HCN1: variants seen among roughly 807,000 people sequenced by gnomAD.
The protein encoded by HCN1 is potassium/sodium hyperpolarization-activated cyclic nucleotide-gated channel 1.
HCN1 carries 13 observed loss-of-function variants against 78.9 expected under a neutral mutation model. The ratio of observed to expected loss-of-function variants is 0.16; its 90% CI spans 0.11 to 0.26. HCN1 has a LOEUF of 0.26. Ranked by LOEUF, HCN1 falls within the 10% of genes least tolerant of loss-of-function variation. The pLI is 1.00. For synonymous variants in HCN1, 552 were observed against 455.5 expected (o/e 1.21, Z -2.70); for missense variants, 810 against 1,154.3 (o/e 0.70, Z 4.32).
intron 7 of HCN1, among the ~76,000 whole-genome samples, chr5:45,265,359 ACT>A (rs750587955): frequency 2.0e-5 from 3 of 152,180 alleles, no homozygotes; most frequent in Admixed American, 6.5e-5. Context: ...TAACATAAAC[ACT>A]CACACACTAC....
At chr5:45,657,176 T>C (rs1745782423) in intron 1 of HCN1, among the ~76,000 whole-genome samples, 1 of 152,144 alleles carries the variant, frequency 6.6e-6, no homozygotes, top group African/African-American at 2.4e-5. Flanking sequence ...TTCTGAGCAA[T>C]TCACACCAAT....
At chr5:45,620,888 C>G (rs539401762) in intron 2 of HCN1, among the ~76,000 whole-genome samples, 1 of 152,266 alleles carries the variant, frequency 6.6e-6, no homozygotes, top group South Asian at 2.1e-4. Flanking sequence ...ATTTATTGAG[C>G]ATCTCTTATG....
chr5:45,255,911 T>C lies in HCN1; in HGVS notation c.*6010A>G, dbSNP rs1744602090. ...AAATTCCGTTATTTAAAAAAAAAAG[T>C]CTGAATAACTCTACGTTACCTGAAT... On this transcript the variant is annotated 3_prime_UTR_variant, in exon 8 of 8. Transcript: ENST00000303230. 6.6e-6 allele frequency: 1 copy of C among 152,032 alleles called. No individual in the cohort carries two copies. Among genetic ancestry groups the C allele is most frequent in the Non-Finnish European group, 1.5e-5 (1 of 68,014 alleles). The allele number at this position is 152,032 out of a possible 1,614,324, so 9.4% of individuals were successfully genotyped here. A position where few individuals can be genotyped will look rare whatever the true frequency, so the allele number is the denominator to read the frequency against.
intron 2 of HCN1, among the ~76,000 whole-genome samples, chr5:45,485,960 T>C (rs1374527807): frequency 3.3e-5 from 5 of 152,200 alleles, no homozygotes; most frequent in African/African-American, 9.6e-5. Context: ...AGCTACCATA[T>C]GAGTGTTTAC....
intron 5 of HCN1, among the ~76,000 whole-genome samples, chr5:45,308,818 CT>C (rs1484399682): frequency 6.6e-6 from 1 of 152,030 alleles, no homozygotes; most frequent in Non-Finnish European, 1.5e-5. Context: ...CAGCTTTGTT[CT>C]TTTTTCTTAG....
At chr5:45,457,942 A>G (rs1359685424) in intron 3 of HCN1, among the ~76,000 whole-genome samples, 3 of 152,138 alleles carry the variant, frequency 2.0e-5, no homozygotes, top group African/African-American at 7.2e-5. Context: ...TTTTCAACAC[A>G]TGAAGTTAGG....
At chr5:45,452,428 G>A (rs757257400) in intron 3 of HCN1, among the ~76,000 whole-genome samples, 7 of 149,172 alleles carry the variant, frequency 4.7e-5, no homozygotes, top group African/African-American at 1.2e-4. Flanking sequence ...TTTTTGTCAC[G>A]CAGGTAGTAA....
At chr5:45,275,699 T>G (rs1400547360) in intron 6 of HCN1, among the ~76,000 whole-genome samples, 1 of 152,154 alleles carries the variant, frequency 6.6e-6, no homozygotes, top group Non-Finnish European at 1.5e-5. Flanking sequence ...TACAGATATG[T>G]TACGTAGGTA....
chr5:45,268,577 C>G (rs1016896179), intron 6 of HCN1, among the ~76,000 whole-genome samples: 1 of 152,152 alleles, frequency 6.6e-6, no homozygotes, highest in Non-Finnish European at 1.5e-5. Flanking sequence ...TGAATACAAT[C>G]TGGTAAGAAC....
rs1314838017 is a variant in HCN1, at chr5:45,664,062, T to C, written c.426-18454A>G. Among the ~76,000 whole-genome samples, 45 of 129,680 alleles carry C rather than the reference T, an allele frequency of 3.5e-4. 1 individual carries two copies. Among genetic ancestry groups the C allele is most frequent in the Admixed American group, 8.4e-5 (1 of 11,874 alleles). The allele number at this position is 129,680 out of a possible 152,430, so 85.1% of individuals were successfully genotyped here. A position where few individuals can be genotyped will look rare whatever the true frequency, so the allele number is the denominator to read the frequency against. ...AGCAAAGACTTGGAACCAACCCAAATGTCCAACAATGATAGACTGGATTAA... is the reference window on the plus strand; with the variant it reads ...AGCAAAGACTTGGAACCAACCCAAACGTCCAACAATGATAGACTGGATTAA... On this transcript the variant is annotated intron_variant, in intron 1 of 7. Coordinates refer to ENST00000303230, the MANE Select transcript of HCN1 (RefSeq NM_021072.4).
Position 45,410,461 on chromosome 5 carries a change from C to T in HCN1, c.1012-13751G>A, listed in dbSNP as rs138160203. Among the ~76,000 whole-genome samples, 444 of 152,098 alleles carry T rather than the reference C, an allele frequency of 2.9e-3. 2 individuals are homozygous for T. The highest frequency in any genetic ancestry group is 7.3e-3 in the Admixed American group (111 of 15,258). ...ATCAAATTATATAGAGAACCATTCT[C>T]CTATGCTAAAGTTATTTTAATGAAC... On this transcript the variant is annotated intron_variant, in intron 3 of 7. Transcript: ENST00000303230.
intron 2 of HCN1, among the ~76,000 whole-genome samples, chr5:45,565,753 A>G (rs1339484202): frequency 6.6e-6 from 1 of 152,132 alleles, no homozygotes; most frequent in Non-Finnish European, 1.5e-5. Flanking sequence ...GCAGTGACCC[A>G]TGATCACACC....
At chr5:45,448,198 T>G (rs895337902) in intron 3 of HCN1, among the ~76,000 whole-genome samples, 8 of 152,200 alleles carry the variant, frequency 5.3e-5, no homozygotes, top group Non-Finnish European at 1.2e-4. Context: ...TAATTGCTTA[T>G]TAAAGATCCT....
intron 2 of HCN1, among the ~76,000 whole-genome samples, chr5:45,481,672 T>G (rs1401244204): frequency 6.6e-6 from 1 of 152,144 alleles, no homozygotes; most frequent in Non-Finnish European, 1.5e-5. Flanking sequence ...GATGAAGACT[T>G]TTTTGGTGGT....
At chr5:45,503,002 G>A (rs191062275) in intron 2 of HCN1, among the ~76,000 whole-genome samples, 1 of 152,116 alleles carries the variant, frequency 6.6e-6, no homozygotes, top group Non-Finnish European at 1.5e-5. Context: ...CAACACAATA[G>A]TTAAAGTGAA....
chr5:45,539,522 T>G (rs1743046671), intron 2 of HCN1, among the ~76,000 whole-genome samples: 1 of 149,964 alleles, frequency 6.7e-6, no homozygotes, highest in African/African-American at 2.4e-5. Context: ...AAAATTAGCC[T>G]GGCGTGGTGG....
At chr5:45,673,448 C>G (rs1368517085) in intron 1 of HCN1, among the ~76,000 whole-genome samples, 2 of 151,468 alleles carry the variant, frequency 1.3e-5, no homozygotes, top group East Asian at 1.9e-4. Flanking sequence ...CCCCCCACAC[C>G]ATTTATTTAT....
At chr5:45,581,836 T>C (rs1744084056) in intron 2 of HCN1, among the ~76,000 whole-genome samples, 1 of 152,190 alleles carries the variant, frequency 6.6e-6, no homozygotes, top group African/African-American at 2.4e-5. Context: ...GTTGTAGATA[T>C]GCAGTGTTAT....
intron 2 of HCN1, among the ~76,000 whole-genome samples, 199 bp from the exon 3 acceptor site, chr5:45,462,206 C>A (rs1016859453): frequency 2.0e-5 from 3 of 152,006 alleles, no homozygotes; most frequent in African/African-American, 4.8e-5. Context: ...AATATTAAAG[C>A]CAACTATGTC....
Sources: gnomAD v4.1 joint callset for allele counts (sites outside exome capture counted in the v4.1 genomes callset) on GRCh38, gnomAD v4.1.1 for gene constraint, MANE v1.5 for transcripts, NCBI Gene and HGNC (gene_info 2026-07-23, HGNC 2026-07-21) for gene names.